HRH1: variants seen among roughly 807,000 people sequenced by gnomAD.
The protein encoded by HRH1 is histamine H1 receptor.
A neutral mutation model predicts 10.3 loss-of-function variants in HRH1; 6 were observed. That is an observed-to-expected ratio of 0.58 (90% CI 0.32 to 1.15). The LOEUF (loss-of-function observed/expected upper bound fraction) is 1.15. Ranked by LOEUF, HRH1 falls within the 50% of genes most tolerant of loss-of-function variation. The pLI, the probability that HRH1 is intolerant of heterozygous loss-of-function variation, is 0.05. For synonymous variants in HRH1, 242 were observed against 236.7 expected (o/e 1.02, Z -0.21); for missense variants, 514 against 615.3 (o/e 0.84, Z 1.74).
At chr3:11,236,761 C>A (rs1939191704) in intron 1 of HRH1, among the ~76,000 whole-genome samples, 1 of 152,272 alleles carries the variant, frequency 6.6e-6, no homozygotes, top group African/African-American at 2.4e-5. Flanking sequence ...ATACCCTGGC[C>A]CCAGAACCAG....
intron 1 of HRH1, among the ~76,000 whole-genome samples, chr3:11,187,501 A>G (rs1937469305): frequency 1.3e-5 from 2 of 152,216 alleles, no homozygotes; most frequent in Admixed American, 1.3e-4. Context: ...CCCATTCTGT[A>G]AAATGGGGGC....
chr3:11,202,428 A>AAAT, intron 1 of HRH1, among the ~76,000 whole-genome samples: 1 of 150,062 alleles, frequency 6.7e-6, no homozygotes, highest in South Asian at 2.1e-4. Flanking sequence ...ATAAATAAAT[A>AAAT]AATAAATAAT....
chr3:11,262,510 A>C lies in HRH1; in HGVS notation c.*2009A>C, dbSNP rs1190726007. 1 of 166,672 alleles carries C rather than the reference A, an allele frequency of 6.0e-6. No individual in the cohort carries two copies. Among genetic ancestry groups the C allele is most frequent in the Non-Finnish European group, 1.5e-5 (1 of 68,044 alleles). The allele number at this position is 166,672 out of a possible 1,614,324, so 10.3% of individuals were successfully genotyped here. A position where few individuals can be genotyped will look rare whatever the true frequency, so the allele number is the denominator to read the frequency against. On this transcript the variant is annotated 3_prime_UTR_variant, in exon 2 of 2. Transcript: ENST00000431010. ...CAAACTTCTTGTTCAAAACGGGGGG[A>C]GTTTAGGAGACTTTAATCCCGGTTT...
At chr3:11,150,117 C>A (rs577297011), upstream of HRH1, among the ~76,000 whole-genome samples, 1 of 152,346 alleles carries the variant, frequency 6.6e-6, no homozygotes, top group South Asian at 2.1e-4. Flanking sequence ...AACACAAATC[C>A]TTTTATAAAA....
At chr3:11,220,313 A>G (rs950354051) in intron 1 of HRH1, among the ~76,000 whole-genome samples, 1 of 152,128 alleles carries the variant, frequency 6.6e-6, no homozygotes, top group Non-Finnish European at 1.5e-5. Context: ...GACTTGCTGT[A>G]TAGTCTTGGT....
At chr3:11,224,925 G>A (rs1938833948) in intron 1 of HRH1, among the ~76,000 whole-genome samples, 1 of 152,166 alleles carries the variant, frequency 6.6e-6, no homozygotes, top group Non-Finnish European at 1.5e-5. Context: ...CCTTATTTAA[G>A]GACTTTAGGG....
In HRH1 at chr3:11,259,112, C is replaced by A; in HGVS notation, c.75C>A (p.Pro25=). 1 of 1,614,122 alleles carries A rather than the reference C, an allele frequency of 6.2e-7. No individual in the cohort carries two copies. The change falls in exon 2 of 2, where the codon CCC becomes CCA. Residue 25 remains proline, a synonymous_variant. Transcript: ENST00000431010. The surrounding 1 kb of genome is among the most constrained non-coding windows in gnomAD (Gnocchi z 4.6). ...GCAACAAGACCACTATGGCCAGCCC[C>A]CAGCTGATGCCCCTGGTGGTGGTCC... ...CEGNKTTMAS[P]QLMPLVVVLS... is the part of the protein sequence containing the mutation.
intron 1 of HRH1, among the ~76,000 whole-genome samples, chr3:11,200,328 T>C (rs1402766378): frequency 1.3e-5 from 2 of 152,068 alleles, no homozygotes; most frequent in South Asian, 2.1e-4. Context: ...GCCAAGTGAG[T>C]TGGGGTTTTC....
chr3:11,194,223 G>GT (rs1488056756), intron 1 of HRH1, among the ~76,000 whole-genome samples: 15 of 152,192 alleles, frequency 9.9e-5, no homozygotes, highest in Non-Finnish European at 1.6e-4. Flanking sequence ...GTACAGTGTA[G>GT]TTGAAGAGTC....
upstream of HRH1, among the ~76,000 whole-genome samples, chr3:11,152,986 T>A (rs1403384029): frequency 6.6e-6 from 1 of 152,096 alleles, no homozygotes; most frequent in East Asian, 1.9e-4. Context: ...ACAAAGTCCT[T>A]TAATCCCCAC....
In HRH1 at chr3:11,262,503, C is replaced by CG. The variant is rs1278376438; in HGVS notation, c.*2008dup. 6.0e-6 allele frequency: 1 copy of CG among 167,030 alleles called. No individual in the cohort carries two copies. The highest frequency in any genetic ancestry group is 2.4e-5 in the African/African-American group (1 of 41,448). 10.3% of individuals were successfully genotyped at this position (167,030 alleles called of 1,614,324 possible). A position where few individuals can be genotyped will look rare whatever the true frequency, so the allele number is the denominator to read the frequency against. Reference sequence around the variant, plus strand: ...CATCCCCCAAACTTCTTGTTCAAAACGGGGGGAGTTTAGGAGACTTTAATC... The same window carrying CG: ...CATCCCCCAAACTTCTTGTTCAAAACGGGGGGGAGTTTAGGAGACTTTAATC... On this transcript the variant is annotated 3_prime_UTR_variant, in exon 2 of 2. Coordinates refer to ENST00000431010, the MANE Select transcript of HRH1 (RefSeq NM_001098212.2).
chr3:11,171,893 G>A (rs531485428), intron 1 of HRH1, among the ~76,000 whole-genome samples: 17 of 152,182 alleles, frequency 1.1e-4, no homozygotes, highest in Non-Finnish European at 2.4e-4. Context: ...ACTCAGTAAG[G>A]GGAAAACTTC....
intron 1 of HRH1, among the ~76,000 whole-genome samples, chr3:11,221,416 A>G (rs1428828932): frequency 6.6e-6 from 1 of 151,878 alleles, no homozygotes; most frequent in Non-Finnish European, 1.5e-5. Flanking sequence ...TTAGCCGGCC[A>G]TGGCAGCATG....
chr3:11,206,768 C>T (rs1444324194), intron 1 of HRH1, among the ~76,000 whole-genome samples: 2 of 152,238 alleles, frequency 1.3e-5, no homozygotes, highest in Non-Finnish European at 2.9e-5. Context: ...TCAACCTCTT[C>T]TGTAGTTCCC....
At chr3:11,160,793 A>G (rs1936906730) in intron 1 of HRH1, among the ~76,000 whole-genome samples, 2 of 152,290 alleles carry the variant, frequency 1.3e-5, no homozygotes, top group South Asian at 4.1e-4. Context: ...GTCTGTTCTG[A>G]TCTGTTGAAC....
At chr3:11,233,615 C>A (rs1939099537) in intron 1 of HRH1, among the ~76,000 whole-genome samples, 1 of 152,170 alleles carries the variant, frequency 6.6e-6, no homozygotes, top group African/African-American at 2.4e-5. Flanking sequence ...GCCAAGCCAG[C>A]CTCTCCCTTC....
At chr3:11,185,572 G>C (rs1055912508) in intron 1 of HRH1, among the ~76,000 whole-genome samples, 4 of 152,122 alleles carry the variant, frequency 2.6e-5, no homozygotes, top group African/African-American at 9.7e-5. Context: ...ACTCCACTTT[G>C]GCCCCTGTCA....
chr3:11,221,619 G>A (rs577496802), intron 1 of HRH1, among the ~76,000 whole-genome samples: 5 of 151,426 alleles, frequency 3.3e-5, no homozygotes, highest in Non-Finnish European at 5.9e-5. Context: ...TTATATGCAC[G>A]GTTCAGTGAC....
chr3:11,256,228 G>A (rs113781262), intron 1 of HRH1, among the ~76,000 whole-genome samples: 1,738 of 152,176 alleles, frequency 0.011, 16 homozygotes, highest in Non-Finnish European at 0.018. Context: ...GCAATCAGAG[G>A]ATTGCTCTGA....
Sources: gnomAD v4.1 joint callset for allele counts (sites outside exome capture counted in the v4.1 genomes callset) on GRCh38, gnomAD v4.1.1 for gene constraint, Gnocchi (gnomAD v3.1) non-coding constraint, MANE v1.5 for transcripts, NCBI Gene and HGNC (gene_info 2026-07-23, HGNC 2026-07-21) for gene names.